Variants in NTRK3 observed in about 807,000 individuals in gnomAD.
NTRK3 encodes neurotrophic receptor tyrosine kinase 3, also known as NT-3 growth factor receptor.
A neutral mutation model predicts 91.7 loss-of-function variants in NTRK3; 24 were observed. The observed-to-expected ratio is 0.26, with a 90% CI of 0.19 to 0.37. The LOEUF (loss-of-function observed/expected upper bound fraction) is 0.37. Ranked by LOEUF, NTRK3 falls within the 10% of genes least tolerant of loss-of-function variation. NTRK3 has a pLI of 1.00. For missense variants in NTRK3, 880 were observed against 1,068.9 expected, an observed-to-expected ratio of 0.82 and a Z score of 2.46; for synonymous variants, 483 against 404.0, an observed-to-expected ratio of 1.20 and a Z score of -2.34.
At chr15:88,113,733 C>G (rs904329473) in intron 13 of NTRK3, among the ~76,000 whole-genome samples, 5 of 152,158 alleles carry the variant, frequency 3.3e-5, no homozygotes, top group African/African-American at 1.2e-4. Context: ...CAGCCATGCT[C>G]ATTCATTTAC....
At chr15:88,151,598 T>C (rs1022893813) in intron 5 of NTRK3, among the ~76,000 whole-genome samples, 1 of 152,072 alleles carries the variant, frequency 6.6e-6, no homozygotes, top group Admixed American at 6.6e-5. Context: ...TACAAAAGGG[T>C]CAATAAGACG....
chr15:87,931,688 A>G (rs2141940398), intron 16 of NTRK3, among the ~76,000 whole-genome samples: 1 of 152,276 alleles, frequency 6.6e-6, no homozygotes, highest in Middle Eastern at 3.4e-3. Flanking sequence ...CATCCCACAG[A>G]TGCTTTCATT....
At chr15:88,000,901 T>C (rs1295398736) in intron 14 of NTRK3, among the ~76,000 whole-genome samples, 3 of 152,202 alleles carry the variant, frequency 2.0e-5, no homozygotes, top group Non-Finnish European at 4.4e-5. Context: ...GGTAATTCAA[T>C]GTTTAACTTT....
At chr15:87,970,441 T>G (rs145948922) in intron 14 of NTRK3, among the ~76,000 whole-genome samples, 163 of 152,328 alleles carry the variant, frequency 1.1e-3, no homozygotes, top group African/African-American at 3.7e-3. Flanking sequence ...GGTTTCTTGA[T>G]ATAAGAAGTG....
chr15:88,085,417 T>C (rs959091855), intron 13 of NTRK3, among the ~76,000 whole-genome samples: 1 of 152,222 alleles, frequency 6.6e-6, no homozygotes, highest in Non-Finnish European at 1.5e-5. Flanking sequence ...AGACTGTTTC[T>C]GCTCATCAGC....
chr15:88,148,372 A>G (rs895960724), intron 5 of NTRK3, among the ~76,000 whole-genome samples: 4 of 152,214 alleles, frequency 2.6e-5, no homozygotes, highest in Non-Finnish European at 5.9e-5. Context: ...TCTTATATTC[A>G]AGTTACAGAT....
chr15:88,101,539 A>G, intron 13 of NTRK3, among the ~76,000 whole-genome samples: 1 of 152,220 alleles, frequency 6.6e-6, no homozygotes, highest in East Asian at 1.9e-4. Flanking sequence ...AGGATTATAA[A>G]TCATGCTGCT....
chr15:87,997,873 T>A (rs1265074146), intron 14 of NTRK3, among the ~76,000 whole-genome samples: 1 of 152,130 alleles, frequency 6.6e-6, no homozygotes, highest in Non-Finnish European at 1.5e-5. Context: ...GAGAACCAGA[T>A]GATGGTCTAG....
At chr15:87,928,814 G>A (rs963358480) in intron 17 of NTRK3, 3 of 402,698 alleles carry the variant, frequency 7.4e-6, no homozygotes, top group Non-Finnish European at 1.4e-5. Flanking sequence ...TCTGGGACTG[G>A]GTAGGGAGAC....
intron 3 of NTRK3, among the ~76,000 whole-genome samples, chr15:88,221,857 T>A (rs942548256): frequency 6.6e-6 from 1 of 152,144 alleles, no homozygotes; most frequent in African/African-American, 2.4e-5. Flanking sequence ...CCGATTAGGC[T>A]GCACAATAGA....
At chr15:87,885,492 T>G (rs765578207) in intron 17 of NTRK3, among the ~76,000 whole-genome samples, 1 of 151,940 alleles carries the variant, frequency 6.6e-6, no homozygotes, top group Non-Finnish European at 1.5e-5. Flanking sequence ...CTCTATCAGA[T>G]AGCAAAGCAT....
At chr15:87,944,918 C>T (rs1407972937) in intron 14 of NTRK3, among the ~76,000 whole-genome samples, 1 of 152,234 alleles carries the variant, frequency 6.6e-6, no homozygotes, top group African/African-American at 2.4e-5. Context: ...GCTTTTAGCT[C>T]ACACAGTGCT....
intron 5 of NTRK3, among the ~76,000 whole-genome samples, chr15:88,149,238 G>A (rs964421401): frequency 6.6e-6 from 1 of 152,122 alleles, no homozygotes; most frequent in South Asian, 2.1e-4. Context: ...CAGTGGCTTG[G>A]TTCCACCCCA....
chr15:88,156,953 T>G (rs1003748073), intron 5 of NTRK3, among the ~76,000 whole-genome samples: 19 of 152,048 alleles, frequency 1.2e-4, no homozygotes, highest in Non-Finnish European at 1.5e-4. Context: ...GAAGGAAGCA[T>G]TTCTTTCTAC....
At chr15:87,898,671 T>C (rs1343943673) in intron 17 of NTRK3, among the ~76,000 whole-genome samples, 2 of 151,996 alleles carry the variant, frequency 1.3e-5, no homozygotes, top group African/African-American at 4.8e-5. Context: ...AGCTTTAAGA[T>C]GATGGCATTG....
At chr15:88,005,859 T>A (rs1219683731) in intron 14 of NTRK3, among the ~76,000 whole-genome samples, 1 of 152,178 alleles carries the variant, frequency 6.6e-6, no homozygotes, top group Non-Finnish European at 1.5e-5. Context: ...GATAGGGCAA[T>A]ACATTTGAGG....
intron 13 of NTRK3, among the ~76,000 whole-genome samples, chr15:88,044,514 G>A (rs933915365): frequency 6.6e-6 from 1 of 151,750 alleles, no homozygotes; most frequent in Admixed American, 6.6e-5. Flanking sequence ...GCCCGCCTTG[G>A]CCTTCCAAAG....
chr15:88,133,893 T>C (rs1453280552), intron 10 of NTRK3, among the ~76,000 whole-genome samples: 4 of 152,198 alleles, frequency 2.6e-5, no homozygotes, highest in Non-Finnish European at 5.9e-5. Flanking sequence ...CGGCAAGAAT[T>C]TAGCTTAATG....
intron 14 of NTRK3, among the ~76,000 whole-genome samples, chr15:87,970,726 AT>A (rs2073186465): frequency 6.6e-6 from 1 of 152,178 alleles, no homozygotes; most frequent in African/African-American, 2.4e-5. Flanking sequence ...TTGGCATATC[AT>A]GAGACTAAGG....
Sources: allele counts gnomAD v4.1 joint callset (sites outside exome capture counted in the v4.1 genomes callset), GRCh38; gene constraint gnomAD v4.1.1; transcripts MANE v1.5; gene names NCBI Gene and HGNC (gene_info 2026-07-23, HGNC 2026-07-21).